Variants in RELCH observed in about 807,000 individuals in gnomAD.
RELCH encodes RAB11-binding protein RELCH.
A neutral mutation model predicts 150.3 loss-of-function variants in RELCH; 41 were observed. The observed-to-expected ratio is 0.27, with a 90% CI of 0.21 to 0.35. RELCH has a LOEUF of 0.35. Among genes scored for constraint, RELCH ranks in the 10% least tolerant of loss-of-function variants. The probability of loss-of-function intolerance (pLI) is 1.00; values close to 1 mark genes in which losing one functional copy is unlikely to be tolerated. For synonymous variants in RELCH, 478 were observed against 531.8 expected (o/e 0.90, Z 1.39); for missense variants, 1,092 against 1,467.8 (o/e 0.74, Z 4.18).
chr18:62,275,105 C>T (rs986243986), intron 21 of RELCH, among the ~76,000 whole-genome samples: 1 of 152,092 alleles, frequency 6.6e-6, no homozygotes, highest in Admixed American at 6.6e-5. Flanking sequence ...TTAGTAGAGA[C>T]AGGGTTTCAC....
In RELCH at chr18:62,307,989, C is replaced by A. The variant is rs2045924429; in HGVS notation, c.*2455C>A. 6.6e-6 allele frequency: 1 copy of A among 152,156 alleles called. No homozygotes were observed. The highest frequency in any genetic ancestry group is 2.4e-5 in the African/African-American group (1 of 41,436). The allele number at this position is 152,156 out of a possible 1,614,324, so 9.4% of individuals were successfully genotyped here. The stretch of plus-strand genomic sequence containing the variant: ...TGCTAAACATCAAATTGATTTTCAA[C>A]CTGAACGAAATTGTGAGTAATTTAA... On this transcript the variant is annotated 3_prime_UTR_variant, in exon 29 of 29. Transcript: ENST00000644646.
chr18:62,201,114 C>T (rs538478493), intron 1 of RELCH, among the ~76,000 whole-genome samples: 1 of 151,730 alleles, frequency 6.6e-6, no homozygotes, highest in East Asian at 1.9e-4. Flanking sequence ...GCTGGGTCTA[C>T]AGGCGCATGC....
At chr18:62,264,924 G>A in intron 18 of RELCH, 72 bp downstream of exon 18, 3 of 1,200,232 alleles carry the variant, frequency 2.5e-6, no homozygotes, top group Non-Finnish European at 2.3e-6. Flanking sequence ...ACTGTAACAG[G>A]GTAAATAAAA....
At chr18:62,189,981 CAA>C (rs1408297825) in intron 1 of RELCH, among the ~76,000 whole-genome samples, 1 of 152,114 alleles carries the variant, frequency 6.6e-6, no homozygotes, top group Non-Finnish European at 1.5e-5. Context: ...GTGTACACAT[CAA>C]GTTTATTAAA....
intron 27 of RELCH, among the ~76,000 whole-genome samples, chr18:62,292,448 C>A (rs765764780): frequency 2.3e-4 from 35 of 152,092 alleles, no homozygotes; most frequent in Non-Finnish European, 4.3e-4. Context: ...CCTTTTCATT[C>A]ATTAGAATTA....
intron 23 of RELCH, among the ~76,000 whole-genome samples, chr18:62,280,168 C>A (rs1247347160): frequency 6.6e-6 from 1 of 152,140 alleles, no homozygotes; most frequent in Non-Finnish European, 1.5e-5. Flanking sequence ...GGGATGCTCT[C>A]CTAATCTCAC....
chr18:62,260,923 AT>A (rs1167760415), intron 15 of RELCH, among the ~76,000 whole-genome samples: 14 of 151,928 alleles, frequency 9.2e-5, no homozygotes, highest in African/African-American at 3.1e-4. Flanking sequence ...TGGGGGAGTA[AT>A]GAACAGAAAA....
rs201101634 is a variant in RELCH at position 62,211,764 on chromosome 18, T to TA, written c.616+531dup. Among the ~76,000 whole-genome samples the TA allele has an allele frequency of 7.8e-3, 1,169 of 150,358 alleles. 7 individuals are homozygous for TA. Among genetic ancestry groups the TA allele is most frequent in the African/African-American group, 0.02 (828 of 40,782 alleles). On this transcript the variant is annotated intron_variant, in intron 2 of 28. Transcript: ENST00000644646. ...CATAATGACACTTAATCTCTTAAATTAAAAAAAAATAAATAAGCAAATAAA... is the reference window on the plus strand; with the variant it reads ...CATAATGACACTTAATCTCTTAAATTAAAAAAAAAATAAATAAGCAAATAAA...
At chr18:62,234,629 T>C (rs2041780896) in intron 10 of RELCH, among the ~76,000 whole-genome samples, 1 of 151,992 alleles carries the variant, frequency 6.6e-6, no homozygotes, top group Non-Finnish European at 1.5e-5. Flanking sequence ...TTTTGATTAA[T>C]ATGTTTACAT....
At chr18:62,246,215 C>A (rs1237548317) in intron 11 of RELCH, 1 of 152,142 alleles carries the variant, frequency 6.6e-6, no homozygotes, top group African/African-American at 2.4e-5. Flanking sequence ...ACAAAACTTT[C>A]TATCTTTTTA....
intron 1 of RELCH, among the ~76,000 whole-genome samples, chr18:62,195,477 C>G (rs2038971161): frequency 6.6e-6 from 1 of 152,024 alleles, no homozygotes; most frequent in Admixed American, 6.5e-5. Context: ...CATTAGGGCT[C>G]TAATCAAAAT....
intron 1 of RELCH, among the ~76,000 whole-genome samples, chr18:62,197,953 G>T (rs1220040267): frequency 6.6e-6 from 1 of 152,180 alleles, no homozygotes; most frequent in Non-Finnish European, 1.5e-5. Context: ...CTGATCTTCA[G>T]TTCTGTCTCT....
chr18:62,256,537 T>G (rs148016069), intron 13 of RELCH, among the ~76,000 whole-genome samples: 3,425 of 152,196 alleles, frequency 0.023, 37 homozygotes, highest in Middle Eastern at 0.068. Flanking sequence ...ATAAATAGGC[T>G]GTTCTACTCT....
chr18:62,203,060 A>G (rs2039550606), intron 1 of RELCH, among the ~76,000 whole-genome samples: 1 of 152,242 alleles, frequency 6.6e-6, no homozygotes, highest in South Asian at 2.1e-4. Context: ...AGCAATGGCC[A>G]GATCAACTAA....
chr18:62,211,079 T>C (rs2040130791), intron 1 of RELCH, 74 bp from the exon 2 acceptor site: 1 of 731,180 alleles, frequency 1.4e-6, no homozygotes. Context: ...CTGGAAATAA[T>C]CATAAGTATT....
intron 2 of RELCH, among the ~76,000 whole-genome samples, chr18:62,212,994 T>A (rs935449290): frequency 3.9e-5 from 6 of 152,202 alleles, no homozygotes; most frequent in Non-Finnish European, 8.8e-5. Flanking sequence ...TAGAATAGTT[T>A]AATGTGGCTC....
intron 10 of RELCH, among the ~76,000 whole-genome samples, chr18:62,243,664 C>T (rs372695567): frequency 6.6e-6 from 1 of 152,046 alleles, no homozygotes; most frequent in African/African-American, 2.4e-5. Context: ...AAAATCATCT[C>T]TTAGGAAGCA....
At chr18:62,252,082 G>A (rs145953436) in intron 11 of RELCH, among the ~76,000 whole-genome samples, 2 of 151,486 alleles carry the variant, frequency 1.3e-5, no homozygotes, top group South Asian at 2.1e-4. Context: ...CGCAACCTCC[G>A]CTTCCCAGGT....
At chr18:62,231,832 T>C (rs1361342868) in intron 9 of RELCH, among the ~76,000 whole-genome samples, 1 of 152,046 alleles carries the variant, frequency 6.6e-6, no homozygotes, top group African/African-American at 2.4e-5. Context: ...CACAATGTCA[T>C]TGAGAATATC....
Sources: allele counts gnomAD v4.1 joint callset (sites outside exome capture counted in the v4.1 genomes callset), GRCh38; gene constraint gnomAD v4.1.1; transcripts MANE v1.5; gene names NCBI Gene and HGNC (gene_info 2026-07-23, HGNC 2026-07-21).